GGNBP2: variants seen among roughly 807,000 people sequenced by gnomAD.
GGNBP2 encodes the protein gametogenetin-binding protein 2.
In GGNBP2, 10 loss-of-function variants were observed where a neutral mutation model predicts 85.9. The ratio of observed to expected loss-of-function variants is 0.12; its 90% CI spans 0.07 to 0.20. The LOEUF is 0.20. Ranked by LOEUF, GGNBP2 falls within the 10% of genes least tolerant of loss-of-function variation. The pLI is 1.00. For missense variants in GGNBP2, 595 were observed against 857.8 expected (o/e 0.69, Z 3.83); for synonymous variants, 287 against 285.7 (o/e 1.00, Z -0.05).
chr17:36,551,900 A>G (rs537613994), intron 2 of GGNBP2, among the ~76,000 whole-genome samples: 4 of 152,296 alleles, frequency 2.6e-5, no homozygotes, highest in Admixed American at 1.3e-4. Flanking sequence ...CTCCGTTTCA[A>G]TTTTTAAAAC....
At chr17:36,549,283 A>C (rs1248213387) in intron 2 of GGNBP2, among the ~76,000 whole-genome samples, 1 of 152,050 alleles carries the variant, frequency 6.6e-6, no homozygotes, top group Non-Finnish European at 1.5e-5. Context: ...GCTCACTGCA[A>C]CCTCTGCCTC....
intron 13 of GGNBP2, 52 bp downstream of exon 13, chr17:36,587,297 A>G (rs763323103): frequency 1.3e-6 from 2 of 1,583,662 alleles, no homozygotes; most frequent in Non-Finnish European, 1.7e-6. Flanking sequence ...AACGGGGTGG[A>G]TGTGGGAGGG....
At chr17:36,580,212 C>CT (rs71159621) in intron 8 of GGNBP2, among the ~76,000 whole-genome samples, 42,482 of 137,454 alleles carry the variant, frequency 0.31, 7,536 homozygotes, top group Non-Finnish European at 0.41. Flanking sequence ...CTTTTCTTTT[C>CT]TTTTTTTTTT....
intron 2 of GGNBP2, chr17:36,547,866 T>G (rs2074269803): frequency 1.3e-5 from 2 of 152,234 alleles, no homozygotes; most frequent in Admixed American, 1.3e-4. Context: ...TGCACAGTCA[T>G]TGAATGCTGT....
At chr17:36,576,108 T>A (rs2074578952) in intron 6 of GGNBP2, among the ~76,000 whole-genome samples, 2 of 140,764 alleles carry the variant, frequency 1.4e-5, no homozygotes. Context: ...GAGGCTGAGG[T>A]GGAGGGATCA....
intron 8 of GGNBP2, among the ~76,000 whole-genome samples, chr17:36,580,156 C>T (rs1210001123): frequency 1.3e-5 from 2 of 151,922 alleles, no homozygotes; most frequent in Non-Finnish European, 2.9e-5. Context: ...GAAGTAAATG[C>T]TGTGTGAATG....
intron 9 of GGNBP2, 109 bp from the exon 10 acceptor site, chr17:36,585,191 G>C: frequency 1.1e-6 from 1 of 921,292 alleles, no homozygotes; most frequent in South Asian, 1.5e-5. Context: ...TCAGTACAGT[G>C]AAAATGCCAC....
Position 36,557,212 on chromosome 17 carries a change from C to G in GGNBP2, c.304C>G (p.Gln102Glu), listed in dbSNP as rs2074371197. The change falls in exon 4 of 14, where the codon CAG becomes GAG. Residue 102 changes from glutamine to glutamate, a missense_variant. Physicochemically the swap from Gln to Glu is conservative, Grantham distance 29. Coordinates refer to ENST00000613102, the MANE Select transcript of GGNBP2 (RefSeq NM_024835.5). ...TCGCAGTGTGGAGCGTCTCTTTTCC[C>G]AGCTTGTAGAGTCTGGAAATCCTGC... ...CRRSVERLFSQLVESGNPALE... is the reference protein window; with the variant it reads ...CRRSVERLFSELVESGNPALE... The G allele has an allele frequency of 6.2e-7, 1 of 1,613,972 alleles. No individual in the cohort carries two copies. Among genetic ancestry groups the G allele is most frequent in the Admixed American group, 1.7e-5 (1 of 59,964 alleles).
chr17:36,554,808 T>C lies in GGNBP2; in HGVS notation c.94-12T>C, dbSNP rs1407289279. ...GTAAAGTAATTGATTTCCGTTCTGT[T>C]TGCATTTTAAGATGGTGATGGAATT... On this transcript the variant is annotated splice_polypyrimidine_tract_variant and intron_variant, in intron 2 of 13. Coordinates refer to ENST00000613102, the MANE Select transcript of GGNBP2 (RefSeq NM_024835.5). 6.5e-7 allele frequency: 1 copy of C among 1,547,430 alleles called. No individual in the cohort carries two copies. Among genetic ancestry groups the C allele is most frequent in the Admixed American group, 1.7e-5 (1 of 59,926 alleles).
At position 36,587,245 on chromosome 17, in the gene GGNBP2, T is replaced by C; in HGVS notation, c.1890T>C (p.Leu630=). Residue 630 remains leucine (L), a splice_region_variant and synonymous_variant, in exon 13 of 14, where the codon CTT becomes CTC. Transcript: ENST00000613102. ...GTGCCAAGAGCTTAGTTGAACTCCT[T>C]GTAAGTATTCCATGTGGTCTTACTG... ...GKGAKSLVEL[L]DESECTSDEE... 2 of 1,614,098 alleles carry C rather than the reference T, an allele frequency of 1.2e-6. No individual in the cohort carries two copies. Among genetic ancestry groups the C allele is most frequent in the Non-Finnish European group, 1.7e-6 (2 of 1,179,942 alleles).
intron 5 of GGNBP2, 66 bp downstream of exon 5, chr17:36,560,937 A>G: frequency 3.5e-6 from 3 of 851,070 alleles, no homozygotes; most frequent in South Asian, 1.7e-5. Flanking sequence ...CATATTTAGT[A>G]AAAGAAATAA....
At position 36,545,014 on chromosome 17, in the gene GGNBP2, CCAGTAA is replaced by C. The variant is rs1447058559; in HGVS notation, c.-186_-181del. On this transcript the variant is annotated 5_prime_UTR_variant, in exon 1 of 14. Coordinates refer to ENST00000613102, the MANE Select transcript of GGNBP2 (RefSeq NM_024835.5). ...CCGGCCCTGACGCGGGCCTCGTCAG[CCAGTAA>C]CAGGGAGCAGAGGTGGGAGTTAGCG... 6.5e-6 allele frequency: 1 copy of C among 152,840 alleles called. No individual in the cohort carries two copies. The highest frequency in any genetic ancestry group is 1.5e-5 in the Non-Finnish European group (1 of 68,154). The allele number at this position is 152,840 out of a possible 1,614,324, so 9.5% of individuals were successfully genotyped here. A position where few individuals can be genotyped will look rare whatever the true frequency, so the allele number is the denominator to read the frequency against.
At chr17:36,570,698 C>G (rs2074514915) in intron 6 of GGNBP2, among the ~76,000 whole-genome samples, 2 of 151,372 alleles carry the variant, frequency 1.3e-5, no homozygotes, top group Non-Finnish European at 2.9e-5. Context: ...AGTGAAACTT[C>G]GTTCCCAAAA....
In GGNBP2 at chr17:36,567,838, T is replaced by C. The variant is rs2074483463; in HGVS notation, c.641+62T>C. ...TGCCTTATGTGTCAGTCACCTAGAG[T>C]GGCCTGTCACTGAACTCCTTTGTAT... On this transcript the variant is annotated intron_variant, in intron 6 of 13. Coordinates refer to ENST00000613102, the MANE Select transcript of GGNBP2 (RefSeq NM_024835.5). 2.8e-5 allele frequency: 23 copies of C among 826,142 alleles called. No homozygotes were observed. In the South Asian group the frequency reaches 3.4e-4, roughly 12 times the overall value. The allele number at this position is 826,142 out of a possible 1,614,324, so 51.2% of individuals were successfully genotyped here. A position where few individuals can be genotyped will look rare whatever the true frequency, so the allele number is the denominator to read the frequency against.
At chr17:36,562,106 G>T (rs1294601429) in intron 5 of GGNBP2, among the ~76,000 whole-genome samples, 2 of 152,164 alleles carry the variant, frequency 1.3e-5, no homozygotes, top group Admixed American at 6.5e-5. Flanking sequence ...GACTTTCTAA[G>T]ACGTGACTTT....
intron 5 of GGNBP2, among the ~76,000 whole-genome samples, chr17:36,562,075 C>G (rs774466226): frequency 1.3e-5 from 2 of 152,126 alleles, no homozygotes; most frequent in Non-Finnish European, 2.9e-5. Context: ...GATAGTGAGG[C>G]GAAGCCATGG....
chr17:36,548,262 G>T (rs1213804500), intron 2 of GGNBP2, among the ~76,000 whole-genome samples: 1 of 152,162 alleles, frequency 6.6e-6, no homozygotes, highest in African/African-American at 2.4e-5. Flanking sequence ...TTTACCCTTA[G>T]TTAAACTGGC....
At chr17:36,573,145 C>T (rs1412851409) in intron 6 of GGNBP2, among the ~76,000 whole-genome samples, 1 of 152,004 alleles carries the variant, frequency 6.6e-6, no homozygotes, top group Admixed American at 6.6e-5. Flanking sequence ...GACAGTCTCG[C>T]TCTGTTGCCC....
intron 6 of GGNBP2, among the ~76,000 whole-genome samples, chr17:36,569,228 G>A (rs762739126): frequency 7.2e-5 from 11 of 152,006 alleles, no homozygotes; most frequent in African/African-American, 2.7e-4. Context: ...CCAGGCCAAC[G>A]TGGCGAAACC....
Sources: allele counts gnomAD v4.1 joint callset (sites outside exome capture counted in the v4.1 genomes callset), GRCh38; gene constraint gnomAD v4.1.1; transcripts MANE v1.5; gene names NCBI Gene and HGNC (gene_info 2026-07-23, HGNC 2026-07-21).